The following APBA2 variants were observed in gnomAD, a reference collection of about 807,000 sequenced individuals.
The protein encoded by APBA2 is amyloid beta precursor protein binding family A member 2, also known as amyloid-beta A4 precursor protein-binding family A member 2.
Under a neutral mutation model 75.0 loss-of-function variants are expected in APBA2, and 30 were observed. The ratio of observed to expected loss-of-function variants is 0.40; its 90% CI spans 0.30 to 0.54. APBA2 has a LOEUF of 0.54. Among genes scored for constraint, APBA2 ranks in the 20% least tolerant of loss-of-function variants. The pLI, the probability that APBA2 is intolerant of heterozygous loss-of-function variation, is 0.49. For synonymous variants in APBA2, 444 were observed against 409.6 expected, an observed-to-expected ratio of 1.08 and a Z score of -1.01; for missense variants, 801 against 1,016.1, an observed-to-expected ratio of 0.79 and a Z score of 2.88.
chr15:28,976,210 A>C (rs2037328170), intron 2 of APBA2, among the ~76,000 whole-genome samples: 1 of 152,202 alleles, frequency 6.6e-6, no homozygotes, highest in South Asian at 2.1e-4. Context: ...GGTATCCAGC[A>C]ACCTTGCTTA....
chr15:28,925,609 G>T (rs565351876), intron 2 of APBA2, among the ~76,000 whole-genome samples: 1 of 152,292 alleles, frequency 6.6e-6, no homozygotes, highest in South Asian at 2.1e-4. Flanking sequence ...CTATCTTTGT[G>T]AATGTTCTGT....
At chr15:29,015,938 G>T (rs902886134) in intron 3 of APBA2, among the ~76,000 whole-genome samples, 1 of 152,204 alleles carries the variant, frequency 6.6e-6, no homozygotes, top group Non-Finnish European at 1.5e-5. Context: ...AACTGTGCGT[G>T]TATGTGCAGG....
chr15:29,039,098 G>GGTGTGT (rs57326919), intron 3 of APBA2, among the ~76,000 whole-genome samples: 4,464 of 106,222 alleles, frequency 0.042, 270 homozygotes, highest in Non-Finnish European at 0.055. Flanking sequence ...TGTATGTCAG[G>GGTGTGT]GTGTGTGTGT....
intron 3 of APBA2, among the ~76,000 whole-genome samples, chr15:29,026,031 T>C (rs2040206910): frequency 6.6e-6 from 1 of 151,840 alleles, no homozygotes; most frequent in South Asian, 2.1e-4. Context: ...CTTGTGGCAG[T>C]GGGCTGGGCA....
chr15:28,999,038 C>G (rs1018479202), intron 3 of APBA2, among the ~76,000 whole-genome samples: 8 of 151,938 alleles, frequency 5.3e-5, no homozygotes, highest in African/African-American at 1.9e-4. Context: ...ATCCCAGCTA[C>G]TCGGGAGGCT....
intron 2 of APBA2, among the ~76,000 whole-genome samples, chr15:28,965,399 C>T (rs2036688399): frequency 1.3e-5 from 2 of 152,294 alleles, no homozygotes; most frequent in South Asian, 2.1e-4. Flanking sequence ...GCCTTAATAT[C>T]AGGCAGGGTG....
intron 2 of APBA2, among the ~76,000 whole-genome samples, chr15:28,936,630 C>A (rs963391021): frequency 2.6e-5 from 4 of 152,248 alleles, no homozygotes; most frequent in African/African-American, 9.6e-5. Flanking sequence ...CACTGGCTGT[C>A]CCCTGCAGAG....
rs2045062338 is a variant in APBA2, at chr15:29,115,751, C to T, written c.2179-1311C>T. Among the ~76,000 whole-genome samples, 3 of 152,168 alleles carry T rather than the reference C, an allele frequency of 2.0e-5. No individual in the cohort carries two copies. The South Asian group carries it at 6.2e-4, about 31-fold the overall frequency. On this transcript the variant is annotated intron_variant, in intron 14 of 14. Transcript: ENST00000683413. ...CGGGGAATGGCTGATGGAGGAAGCC[C>T]CTGCCGGGAGCAGGAGCAGCGGAAA...
At chr15:28,936,820 G>A (rs1306188374) in intron 2 of APBA2, among the ~76,000 whole-genome samples, 3 of 152,160 alleles carry the variant, frequency 2.0e-5, no homozygotes, top group African/African-American at 4.8e-5. Flanking sequence ...CTTGGTGGGG[G>A]ATGGGAGGCA....
At chr15:29,087,697 G>A (rs2043350989) in intron 6 of APBA2, among the ~76,000 whole-genome samples, 1 of 152,096 alleles carries the variant, frequency 6.6e-6, no homozygotes. Flanking sequence ...CACTTGAGAC[G>A]CCAGTTACAC....
rs1279013943 is a variant in APBA2 at position 29,030,761 on chromosome 15, G to A, written c.-40-23084G>A. Among the ~76,000 whole-genome samples the A allele has an allele frequency of 3.9e-5, 6 of 152,006 alleles. No individual in the cohort carries two copies. The East Asian group carries it at 1.2e-3, about 29-fold the overall frequency. ...TGTGTGTGTGTGTGTGTGTGTGTGT[G>A]TGTAAAACCTCCGCCTTCTCTATTT... On this transcript the variant is annotated intron_variant, in intron 3 of 14. Coordinates refer to ENST00000683413, the MANE Select transcript of APBA2 (RefSeq NM_001353788.2).
At chr15:29,097,199 T>C (rs1200650975) in intron 8 of APBA2, among the ~76,000 whole-genome samples, 1 of 152,258 alleles carries the variant, frequency 6.6e-6, no homozygotes, top group Non-Finnish European at 1.5e-5. Flanking sequence ...TCTCTGACAA[T>C]GTCTTCCCCA....
chr15:28,910,602 C>T (rs535812036), intron 1 of APBA2, among the ~76,000 whole-genome samples: 6 of 152,322 alleles, frequency 3.9e-5, no homozygotes, highest in Non-Finnish European at 8.8e-5. Context: ...AAAGTCTCTG[C>T]GTCACACCGC....
intron 2 of APBA2, among the ~76,000 whole-genome samples, chr15:28,981,239 A>G (rs1317913557): frequency 1.3e-5 from 2 of 152,198 alleles, no homozygotes; most frequent in Non-Finnish European, 2.9e-5. Context: ...AGAATGGGAG[A>G]AAATACAAAC....
chr15:29,097,546 A>T (rs2043909307), intron 8 of APBA2, among the ~76,000 whole-genome samples: 1 of 152,194 alleles, frequency 6.6e-6, no homozygotes, highest in South Asian at 2.1e-4. Context: ...TTTTACATTG[A>T]CGGATAAAAT....
chr15:29,108,128 C>G, intron 12 of APBA2, 142 bp from the exon 13 acceptor site: 1 of 1,241,806 alleles, frequency 8.1e-7, no homozygotes, highest in Non-Finnish European at 1.2e-6. Context: ...GAGGGGCTAC[C>G]GAGGCTGAGA....
intron 1 of APBA2, among the ~76,000 whole-genome samples, chr15:28,891,547 G>A (rs1386201063): frequency 1.3e-5 from 2 of 152,228 alleles, no homozygotes; most frequent in Non-Finnish European, 2.9e-5. Context: ...CAGGGATGGG[G>A]AGAGGGTCTG....
At chr15:28,986,104 G>T (rs957490956) in intron 2 of APBA2, among the ~76,000 whole-genome samples, 3 of 152,130 alleles carry the variant, frequency 2.0e-5, no homozygotes, top group African/African-American at 7.2e-5. Context: ...CTCTTCCCCT[G>T]CCCAGTTACA....
intron 1 of APBA2, among the ~76,000 whole-genome samples, chr15:28,899,451 A>C (rs776151701): frequency 3.9e-5 from 6 of 152,072 alleles, no homozygotes; most frequent in African/African-American, 9.7e-5. Context: ...CCTCGTAACC[A>C]CTCAGCTTCA....
Sources: allele counts gnomAD v4.1 joint callset (sites outside exome capture counted in the v4.1 genomes callset), GRCh38; gene constraint gnomAD v4.1.1; transcripts MANE v1.5; gene names NCBI Gene and HGNC (gene_info 2026-07-23, HGNC 2026-07-21).